Variants in KIF6 observed in about 807,000 individuals in gnomAD.
The protein encoded by KIF6 is kinesin-like protein KIF6.
KIF6 carries 106 observed loss-of-function variants against 112.7 expected under a neutral mutation model. The ratio of observed to expected loss-of-function variants is 0.94; its 90% CI spans 0.80 to 1.11. The LOEUF (loss-of-function observed/expected upper bound fraction) is 1.11. Among genes scored for constraint, KIF6 ranks in the 50% least tolerant of loss-of-function variants. The probability of loss-of-function intolerance (pLI) is 0.00; values close to 1 mark genes in which losing one functional copy is unlikely to be tolerated. For synonymous variants in KIF6, 339 were observed against 339.9 expected (o/e 1.00, Z 0.03); for missense variants, 929 against 964.0 (o/e 0.96, Z 0.48).
chr6:39,697,844 G>A (rs1420788069), intron 3 of KIF6, among the ~76,000 whole-genome samples: 1 of 152,072 alleles, frequency 6.6e-6, no homozygotes, highest in Non-Finnish European at 1.5e-5. Context: ...CACCGTGCCC[G>A]GCCTAGACTG....
At chr6:39,395,383 T>C (rs1768187084) in intron 15 of KIF6, among the ~76,000 whole-genome samples, 2 of 152,224 alleles carry the variant, frequency 1.3e-5, no homozygotes, top group African/African-American at 4.8e-5. Flanking sequence ...AGGAAAATTT[T>C]CAGCTCAGCA....
intron 5 of KIF6, chr6:39,617,596 C>G: frequency 5.1e-6 from 2 of 391,238 alleles, no homozygotes; most frequent in Admixed American, 5.1e-5. Context: ...CTATTCACAT[C>G]ATGGGTTTGT....
Position 39,639,816 on chromosome 6 carries a change from A to G in KIF6, c.252-59T>C. The G allele has an allele frequency of 3.5e-6, 5 of 1,441,216 alleles. No individual in the cohort carries two copies. In the South Asian group the frequency reaches 6.5e-5, roughly 19 times the overall value. The allele number at this position is 1,441,216 out of a possible 1,614,324, so 89.3% of individuals were successfully genotyped here. The stretch of plus-strand genomic sequence containing the variant: ...ACATGGCTAACTGCATATGAATTAA[A>G]TGGCTTGTATTCTAATAACAATCTT... On this transcript the variant is annotated intron_variant, in intron 3 of 22. Transcript: ENST00000287152.
rs377421038 is a variant in KIF6 at position 39,469,976 on chromosome 6, T to TG, written c.1646-38816dup. Reference sequence around the variant, plus strand: ...AGACCTAACAGACAGTGTAGAACACTGTATCCAGAAACAGAAGAATACAGA... The same window carrying TG: ...AGACCTAACAGACAGTGTAGAACACTGGTATCCAGAAACAGAAGAATACAGA... On this transcript the variant is annotated intron_variant, in intron 13 of 22. Coordinates refer to ENST00000287152, the MANE Select transcript of KIF6 (RefSeq NM_145027.6). 3.9e-3 allele frequency among the ~76,000 whole-genome samples: 597 copies of TG among 152,304 alleles called. 3 individuals are homozygous for TG. The highest frequency in any genetic ancestry group is 0.013 in the African/African-American group (560 of 41,552).
At chr6:39,536,003 C>G (rs1778399874) in intron 13 of KIF6, among the ~76,000 whole-genome samples, 1 of 151,818 alleles carries the variant, frequency 6.6e-6, no homozygotes, top group Non-Finnish European at 1.5e-5. Context: ...TAAAGATGTT[C>G]TTTGAAACCA....
intron 13 of KIF6, among the ~76,000 whole-genome samples, chr6:39,437,769 A>AC (rs1305332076): frequency 2.6e-5 from 4 of 152,184 alleles, no homozygotes; most frequent in African/African-American, 7.2e-5. Context: ...TGCATGTACG[A>AC]CGGTGGTCCC....
intron 13 of KIF6, among the ~76,000 whole-genome samples, chr6:39,503,666 T>C (rs940096414): frequency 1.3e-5 from 2 of 151,646 alleles, no homozygotes; most frequent in African/African-American, 4.8e-5. Context: ...CCCACAGAAA[T>C]ATAAACTACC....
At chr6:39,457,323 G>A (rs1278222718) in intron 13 of KIF6, among the ~76,000 whole-genome samples, 25 of 147,650 alleles carry the variant, frequency 1.7e-4, no homozygotes, top group Admixed American at 6.1e-4. Context: ...TGAAACCAAC[G>A]AGAACAAAGA....
intron 8 of KIF6, 111 bp downstream of exon 8, chr6:39,586,150 G>A (rs1474815412): frequency 2.9e-6 from 3 of 1,040,806 alleles, no homozygotes; most frequent in Non-Finnish European, 4.4e-6. Context: ...ACTGCCCTCT[G>A]AAGGCATACC....
At chr6:39,685,153 A>G (rs1288424013) in intron 3 of KIF6, among the ~76,000 whole-genome samples, 1 of 152,256 alleles carries the variant, frequency 6.6e-6, no homozygotes, top group Non-Finnish European at 1.5e-5. Context: ...AAGAGAGCAG[A>G]TACTACAATG....
chr6:39,590,958 T>C (rs1174679081), intron 7 of KIF6, among the ~76,000 whole-genome samples: 1 of 152,222 alleles, frequency 6.6e-6, no homozygotes, highest in African/African-American at 2.4e-5. Context: ...ATATCTTCCA[T>C]GTGGTAGAAG....
intron 9 of KIF6, among the ~76,000 whole-genome samples, chr6:39,579,981 A>G (rs1343953827): frequency 6.6e-6 from 1 of 151,932 alleles, no homozygotes; most frequent in Non-Finnish European, 1.5e-5. Context: ...AGACTTGGCT[A>G]TTCTTGGCCA....
rs543193087 is a variant in KIF6 at position 39,424,109 on chromosome 6, C to T, written c.1755-4106G>A. Among the ~76,000 whole-genome samples, 3 of 152,178 alleles carry T rather than the reference C, an allele frequency of 2.0e-5. No individual in the cohort carries two copies. In the South Asian group the frequency reaches 6.2e-4, roughly 31 times the overall value. On this transcript the variant is annotated intron_variant, in intron 14 of 22. Transcript: ENST00000287152. Reference sequence around the variant, plus strand: ...TTCTCCAGCTTCTTCTCTTCCATCCCCCACAACATTCCCAGGCAGGCTTGA... The same window carrying T: ...TTCTCCAGCTTCTTCTCTTCCATCCTCCACAACATTCCCAGGCAGGCTTGA...
In KIF6 at chr6:39,617,677, A is replaced by C. The variant is rs1054653289; in HGVS notation, c.510-4359T>G. ...CTAACAAAATCAGCATACTGCAACA[A>C]TTTTCCAATAGATGGCAGAGGTGCC... On this transcript the variant is annotated intron_variant, in intron 5 of 22. Transcript: ENST00000287152. 8.8e-6 allele frequency: 4 copies of C among 454,732 alleles called. No individual in the cohort carries two copies. In the East Asian group the frequency reaches 2.8e-4, roughly 32 times the overall value. The allele number at this position is 454,732 out of a possible 1,614,324, so 28.2% of individuals were successfully genotyped here. A position where few individuals can be genotyped will look rare whatever the true frequency, so the allele number is the denominator to read the frequency against.
Position 39,330,271 on chromosome 6 carries a change from C to T in KIF6, c.*6261G>A, listed in dbSNP as rs115597878. The T allele has an allele frequency of 0.054, 8,157 of 152,338 alleles. 284 individuals carry two copies. Among genetic ancestry groups the T allele is most frequent in the Non-Finnish European group, 0.082 (5,572 of 68,110 alleles). 9.4% of individuals were successfully genotyped at this position (152,338 alleles called of 1,614,324 possible). ...ACCCTATGCATGCACTGGAGAACTT[C>T]CTGAAAGAAGAAAAGGGAACTGAGA... On this transcript the variant is annotated 3_prime_UTR_variant, in exon 23 of 23. Coordinates refer to ENST00000287152, the MANE Select transcript of KIF6 (RefSeq NM_145027.6).
intron 13 of KIF6, among the ~76,000 whole-genome samples, chr6:39,435,939 A>T (rs1771496194): frequency 6.6e-6 from 1 of 152,210 alleles, no homozygotes; most frequent in Non-Finnish European, 1.5e-5. Flanking sequence ...AAATTTTCAT[A>T]GCGTTTTCCA....
In KIF6 at chr6:39,720,698, T is replaced by G. The variant is rs1281921837; in HGVS notation, c.176+4A>C. On this transcript the variant is annotated splice_donor_region_variant and intron_variant, in intron 2 of 22. Transcript: ENST00000287152. ...AAATGAAAAAAGGAGAAAGAAAAAC[T>G]TACTTAAATTTGTAGCTTTCTCGCT... 2 of 1,473,892 alleles carry G rather than the reference T, an allele frequency of 1.4e-6. No individual in the cohort carries two copies. Among genetic ancestry groups the G allele is most frequent in the Middle Eastern group, 1.7e-4 (1 of 5,786 alleles). The allele number at this position is 1,473,892 out of a possible 1,614,324, so 91.3% of individuals were successfully genotyped here. A position where few individuals can be genotyped will look rare whatever the true frequency, so the allele number is the denominator to read the frequency against.
intron 13 of KIF6, among the ~76,000 whole-genome samples, chr6:39,437,356 A>G (rs571935821): frequency 6.6e-6 from 1 of 152,318 alleles, no homozygotes; most frequent in African/African-American, 2.4e-5. Context: ...GGATAAAAGC[A>G]AGGATTTTTG....
At chr6:39,571,682 A>G (rs1289771033) in intron 10 of KIF6, among the ~76,000 whole-genome samples, 1 of 152,252 alleles carries the variant, frequency 6.6e-6, no homozygotes, top group African/African-American at 2.4e-5. Flanking sequence ...TAAGGAAGAT[A>G]CCAGCTCCTC....
Sources: allele counts gnomAD v4.1 joint callset (sites outside exome capture counted in the v4.1 genomes callset), GRCh38; gene constraint gnomAD v4.1.1; transcripts MANE v1.5; gene names NCBI Gene and HGNC (gene_info 2026-07-23, HGNC 2026-07-21).